Variants in NRXN1 observed in about 807,000 individuals in gnomAD.
NRXN1 encodes neurexin-1.
A neutral mutation model predicts 150.9 loss-of-function variants in NRXN1; 39 were observed. The observed-to-expected ratio is 0.26, with a 90% CI of 0.20 to 0.34. The LOEUF is 0.34. NRXN1 is among the 10% of genes least tolerant of loss of function. The pLI is 1.00. For synonymous variants in NRXN1, 924 were observed against 757.0 expected, an observed-to-expected ratio of 1.22 and a Z score of -3.62; for missense variants, 1,815 against 1,949.9, an observed-to-expected ratio of 0.93 and a Z score of 1.30.
At chr2:50,178,268 A>C (rs1322802856) in intron 18 of NRXN1, among the ~76,000 whole-genome samples, 1 of 152,044 alleles carries the variant, frequency 6.6e-6, no homozygotes, top group Non-Finnish European at 1.5e-5. Flanking sequence ...ATGGCACTGC[A>C]CAAGAGAATC....
chr2:50,269,569 T>C (rs2069310663), intron 17 of NRXN1, among the ~76,000 whole-genome samples: 1 of 152,194 alleles, frequency 6.6e-6, no homozygotes, highest in African/African-American at 2.4e-5. Context: ...ATCTCCAATA[T>C]TGTCATGAAT....
At chr2:50,671,548 T>G (rs1307223162) in intron 5 of NRXN1, among the ~76,000 whole-genome samples, 1 of 151,718 alleles carries the variant, frequency 6.6e-6, no homozygotes, top group East Asian at 1.9e-4. Context: ...GATAAATCAA[T>G]TTTTGCTTAT....
chr2:50,880,526 C>G (rs1679280957), intron 5 of NRXN1, among the ~76,000 whole-genome samples: 1 of 151,948 alleles, frequency 6.6e-6, no homozygotes, highest in Non-Finnish European at 1.5e-5. Context: ...ACTCACTCAT[C>G]TTTGTTTTAG....
At chr2:50,691,623 G>C (rs553456260) in intron 5 of NRXN1, among the ~76,000 whole-genome samples, 1 of 152,280 alleles carries the variant, frequency 6.6e-6, no homozygotes, top group Admixed American at 6.5e-5. Flanking sequence ...TTGCAGTGCA[G>C]AACAATGCTG....
At chr2:50,979,360 A>C in intron 2 of NRXN1, 1 of 458,836 alleles carries the variant, frequency 2.2e-6, no homozygotes, top group South Asian at 1.6e-5. Flanking sequence ...CTCCTTGTTT[A>C]ACAAATACCT....
intron 2 of NRXN1, among the ~76,000 whole-genome samples, chr2:50,940,845 G>A (rs996262587): frequency 6.6e-6 from 1 of 152,110 alleles, no homozygotes; most frequent in Non-Finnish European, 1.5e-5. Flanking sequence ...AAGGGCATCT[G>A]AAACTATGTA....
chr2:50,725,483 G>C (rs929206290), intron 5 of NRXN1, among the ~76,000 whole-genome samples: 15 of 152,068 alleles, frequency 9.9e-5, no homozygotes, highest in Non-Finnish European at 2.2e-4. Context: ...TATTGTAAAG[G>C]GTTGTCAGAA....
At chr2:50,688,375 A>G (rs949739386) in intron 5 of NRXN1, among the ~76,000 whole-genome samples, 1 of 152,152 alleles carries the variant, frequency 6.6e-6, no homozygotes, top group Non-Finnish European at 1.5e-5. Context: ...CCTAGCAACA[A>G]ATAGAACCCT....
chr2:50,911,638 T>A (rs1684535854), intron 5 of NRXN1, among the ~76,000 whole-genome samples: 1 of 151,924 alleles, frequency 6.6e-6, no homozygotes, highest in Non-Finnish European at 1.5e-5. Context: ...TTGTGCCAGA[T>A]TTTAAACGTG....
chr2:50,919,610 T>C (rs962370520), intron 5 of NRXN1: 5 of 151,722 alleles, frequency 3.3e-5, no homozygotes, highest in East Asian at 1.9e-4. Context: ...CATGATTATA[T>C]TGAGATATAA....
At chr2:49,983,987 A>T (rs1350054594) in intron 21 of NRXN1, among the ~76,000 whole-genome samples, 1 of 146,850 alleles carries the variant, frequency 6.8e-6, no homozygotes, top group Non-Finnish European at 1.5e-5. Context: ...ATAGAGTGAG[A>T]TCTCATTTCT....
intron 5 of NRXN1, among the ~76,000 whole-genome samples, chr2:50,789,183 C>T (rs1705584913): frequency 6.6e-6 from 1 of 152,162 alleles, no homozygotes; most frequent in South Asian, 2.1e-4. Context: ...TAGACAGCTA[C>T]ATCTTTATAT....
chr2:50,033,256 A>G (rs1485448031), intron 21 of NRXN1, among the ~76,000 whole-genome samples: 2 of 152,058 alleles, frequency 1.3e-5, no homozygotes, highest in African/African-American at 4.8e-5. Context: ...CCAAAGCACC[A>G]TGGTACTGGT....
chr2:50,729,299 G>T (rs1697787831), intron 5 of NRXN1, among the ~76,000 whole-genome samples: 1 of 152,234 alleles, frequency 6.6e-6, no homozygotes, highest in South Asian at 2.1e-4. Flanking sequence ...CCCTCAATAA[G>T]GTATACACTT....
chr2:50,537,518 G>T (rs958034167), intron 10 of NRXN1, among the ~76,000 whole-genome samples: 1 of 152,036 alleles, frequency 6.6e-6, no homozygotes, highest in African/African-American at 2.4e-5. Flanking sequence ...TCCTTTTATT[G>T]TATAGGGTGA....
intron 5 of NRXN1, among the ~76,000 whole-genome samples, chr2:50,686,139 A>G (rs893693439): frequency 6.6e-6 from 1 of 152,190 alleles, no homozygotes; most frequent in African/African-American, 2.4e-5. Flanking sequence ...TCTAGCAAAA[A>G]ACAAACAAAG....
At chr2:49,928,594 G>A (rs957334355) in intron 22 of NRXN1, among the ~76,000 whole-genome samples, 1 of 152,000 alleles carries the variant, frequency 6.6e-6, no homozygotes, top group Non-Finnish European at 1.5e-5. Flanking sequence ...TTTGTGAATT[G>A]AGATTAGCAC....
At chr2:50,320,999 C>T (rs2075998846) in intron 17 of NRXN1, among the ~76,000 whole-genome samples, 1 of 152,114 alleles carries the variant, frequency 6.6e-6, no homozygotes, top group African/African-American at 2.4e-5. Context: ...TCCTTGCCAT[C>T]CTGAAAGAAT....
chr2:50,229,090 A>G (rs2064689597), intron 18 of NRXN1, among the ~76,000 whole-genome samples: 1 of 152,048 alleles, frequency 6.6e-6, no homozygotes, highest in South Asian at 2.1e-4. Flanking sequence ...TGGATTATTT[A>G]TGTCTACTAT....
Sources: gnomAD v4.1 joint callset for allele counts (sites outside exome capture counted in the v4.1 genomes callset) on GRCh38, gnomAD v4.1.1 for gene constraint, MANE v1.5 for transcripts, NCBI Gene and HGNC (gene_info 2026-07-23, HGNC 2026-07-21) for gene names.